The following DPP9 variants were observed in gnomAD, a reference collection of about 807,000 sequenced individuals.
DPP9 encodes dipeptidyl peptidase 9, also known as dipeptidyl peptidase IV-related protein-2.
In DPP9, 50 loss-of-function variants were observed where a neutral mutation model predicts 110.7. That is an observed-to-expected ratio of 0.45 (90% CI 0.36 to 0.57). The LOEUF (loss-of-function observed/expected upper bound fraction) is 0.57. Among genes scored for constraint, DPP9 ranks in the 20% least tolerant of loss-of-function variants. DPP9 has a pLI of 0.00. For synonymous variants in DPP9, 561 were observed against 514.4 expected, an observed-to-expected ratio of 1.09 and a Z score of -1.23; for missense variants, 1,022 against 1,217.9, an observed-to-expected ratio of 0.84 and a Z score of 2.39.
chr19:4,713,026 C>G (rs999551290), intron 4 of DPP9, among the ~76,000 whole-genome samples: 2 of 152,202 alleles, frequency 1.3e-5, no homozygotes, highest in Admixed American at 6.5e-5. Flanking sequence ...CGCCACCCCA[C>G]CCCCAAGGAA....
chr19:4,687,373 GACCCGCT>G lies in DPP9; in HGVS notation c.1885+1377_1885+1383del, dbSNP rs1205240841. 1.3e-5 allele frequency among the ~76,000 whole-genome samples: 2 copies of G among 152,216 alleles called. No individual in the cohort carries two copies. Among genetic ancestry groups the G allele is most frequent in the African/African-American group, 4.8e-5 (2 of 41,454 alleles). On this transcript the variant is annotated intron_variant, in intron 16 of 21. Coordinates refer to ENST00000262960, the MANE Select transcript of DPP9 (RefSeq NM_139159.5). The surrounding 1 kb of genome is among the most constrained non-coding windows in gnomAD (Gnocchi z 4.7). Reference sequence around the variant, plus strand: ...ATGCCTGGGAGCCCAGCAGTGTGCTGACCCGCTGGTTTTCATCCCACACTCTGTATAT... The same window carrying G: ...ATGCCTGGGAGCCCAGCAGTGTGCTGGGTTTTCATCCCACACTCTGTATAT...
Position 4,695,046 on chromosome 19 carries a change from G to A in DPP9, c.1354-223C>T. 1 of 605,362 alleles carries A rather than the reference G, an allele frequency of 1.7e-6. No homozygotes were observed. The highest frequency in any genetic ancestry group is 2.9e-6 in the Non-Finnish European group (1 of 345,492). The allele number at this position is 605,362 out of a possible 1,614,324, so 37.5% of individuals were successfully genotyped here. A position where few individuals can be genotyped will look rare whatever the true frequency, so the allele number is the denominator to read the frequency against. ...CAGGCTTGTGGTCCTAGCTACTCTG[G>A]AGGCTGAGGTGGGAGGATCACTTAG... is the stretch of plus-strand genomic sequence containing the variant. On this transcript the variant is annotated intron_variant, in intron 12 of 21. Coordinates refer to ENST00000262960, the MANE Select transcript of DPP9 (RefSeq NM_139159.5). The surrounding 1 kb of genome is among the most constrained non-coding windows in gnomAD (Gnocchi z 4.7).
chr19:4,717,036 G>C (rs1238122717), intron 3 of DPP9, among the ~76,000 whole-genome samples: 2 of 152,156 alleles, frequency 1.3e-5, no homozygotes, highest in East Asian at 3.9e-4. Flanking sequence ...TGGCTTCTGA[G>C]TATCACGGCT....
At position 4,682,765 on chromosome 19, in the gene DPP9, A is replaced by G. The variant is rs1036220461; in HGVS notation, c.2405T>C (p.Val802Ala). ...DTGYTERYMD[V>A]PENNQHGYEA... ...ATAGCCGTGCTGGTTGTTCTCAGGG[A>G]CGTCCATGTAGCGCTCAGTGTACCC... Residue 802 changes from valine (V) to alanine (A), a missense_variant, in exon 20 of 22, where the codon GTC becomes GCC. Coordinates refer to ENST00000262960, the MANE Select transcript of DPP9 (RefSeq NM_139159.5). This position sits in a 1 kb window ranked among gnomAD's most constrained non-coding sequence, Gnocchi z 7.1. 1 of 1,606,192 alleles carries G rather than the reference A, an allele frequency of 6.2e-7. No individual in the cohort carries two copies. The highest frequency in any genetic ancestry group is 8.5e-7 in the Non-Finnish European group (1 of 1,176,692).
intron 2 of DPP9, 50 bp downstream of exon 2, chr19:4,722,449 A>C (rs1599968904): frequency 1.4e-6 from 1 of 700,474 alleles, no homozygotes; most frequent in Non-Finnish European, 2.6e-6. Flanking sequence ...AAGGAATCCC[A>C]CCAGCCCACA....
chr19:4,720,044 C>G, intron 2 of DPP9, 103 bp from the exon 3 acceptor site: 1 of 1,010,760 alleles, frequency 9.9e-7, no homozygotes, highest in Non-Finnish European at 1.5e-6. Flanking sequence ...CAGGCAGCCC[C>G]CCAAGCCTCC....
At chr19:4,683,682 C>A (rs1464046071) in intron 18 of DPP9, 53 bp from the exon 19 acceptor site, 1 of 1,612,848 alleles carries the variant, frequency 6.2e-7, no homozygotes, top group Admixed American at 1.7e-5. Flanking sequence ...TATGTCCCTC[C>A]CCTGCAGTGA....
At position 4,700,132 on chromosome 19, in the gene DPP9, T is replaced by G; in HGVS notation, c.1074+84A>C. 1 of 1,145,790 alleles carries G rather than the reference T, an allele frequency of 8.7e-7. No individual in the cohort carries two copies. Among genetic ancestry groups the G allele is most frequent in the Admixed American group, 2.7e-5 (1 of 36,962 alleles). The allele number at this position is 1,145,790 out of a possible 1,614,324, so 71.0% of individuals were successfully genotyped here. On this transcript the variant is annotated intron_variant, in intron 10 of 21. Coordinates refer to ENST00000262960, the MANE Select transcript of DPP9 (RefSeq NM_139159.5). The surrounding 1 kb of genome is among the most constrained non-coding windows in gnomAD (Gnocchi z 4.3). Reference sequence around the variant, plus strand: ...GGAGTGCCCCCGAGAGGGAGGTGAGTGACCTGCCCATCCACCCAGCTGCCT... The same window carrying G: ...GGAGTGCCCCCGAGAGGGAGGTGAGGGACCTGCCCATCCACCCAGCTGCCT...
intron 4 of DPP9, among the ~76,000 whole-genome samples, chr19:4,712,171 G>GT (rs1481948541): frequency 3.3e-5 from 5 of 152,186 alleles, no homozygotes; most frequent in African/African-American, 7.2e-5. Flanking sequence ...ACTTGTAGTC[G>GT]TAACAGCCAA....
chr19:4,715,058 T>C (rs2093018720), intron 3 of DPP9, among the ~76,000 whole-genome samples: 1 of 116,892 alleles, frequency 8.6e-6, no homozygotes, highest in Admixed American at 1.1e-4. Flanking sequence ...AGACAGAGTC[T>C]CCAAAGGCTG....
intron 16 of DPP9, among the ~76,000 whole-genome samples, chr19:4,686,863 C>T (rs1341761439): frequency 2.0e-5 from 3 of 152,180 alleles, no homozygotes; most frequent in Non-Finnish European, 1.5e-5. Flanking sequence ...TGGCGGGACA[C>T]GCTCCGTGCT....
intron 8 of DPP9, 140 bp from the exon 9 acceptor site, chr19:4,702,295 C>T: frequency 8.2e-7 from 1 of 1,212,216 alleles, no homozygotes; most frequent in Non-Finnish European, 1.1e-6. Context: ...CTGCCATTCG[C>T]TAGACCTTAT....
In DPP9 at chr19:4,681,611, C is replaced by G. The variant is rs545862211; in HGVS notation, c.2474+1085G>C. Reference sequence around the variant, plus strand: ...AGACAGTTTCTCTCTGTTGCCCAGGCTAGAGTGCAGTGGCACGATGTTCGC... The same window carrying G: ...AGACAGTTTCTCTCTGTTGCCCAGGGTAGAGTGCAGTGGCACGATGTTCGC... On this transcript the variant is annotated intron_variant, in intron 20 of 21. Transcript: ENST00000262960. 2.4e-3 allele frequency among the ~76,000 whole-genome samples: 372 copies of G among 152,236 alleles called. 3 individuals are homozygous for G. The highest frequency in any genetic ancestry group is 4.4e-3 in the Non-Finnish European group (299 of 68,018).
intron 20 of DPP9, among the ~76,000 whole-genome samples, chr19:4,681,223 T>G (rs184184760): frequency 2.0e-5 from 3 of 152,140 alleles, no homozygotes; most frequent in Non-Finnish European, 4.4e-5. Context: ...GGGAACAGGG[T>G]TTGACGCTGG....
At chr19:4,720,590 A>G (rs926258713) in intron 2 of DPP9, among the ~76,000 whole-genome samples, 2 of 152,142 alleles carry the variant, frequency 1.3e-5, no homozygotes, top group Non-Finnish European at 2.9e-5. Context: ...CCCCTTCCCC[A>G]GGGAGAGTGG....
chr19:4,682,829 C>T lies in DPP9; in HGVS notation c.2341G>A (p.Ala781Thr), dbSNP rs750622800. ...ATCCAGACGGTGACCGGGGCACCCG[C>T]GATGGCCACCTGAGGGACACAGCAG... ...HKPQVFKVAI[A>T]GAPVTVWMAY... Residue 781 changes from alanine to threonine, a missense_variant, in exon 20 of 22, where the codon GCG becomes ACG. This residue lies in a region of DPP9 where 209 missense variants were observed against 280.4 expected (regional missense o/e 0.75). Coordinates refer to ENST00000262960, the MANE Select transcript of DPP9 (RefSeq NM_139159.5). This position sits in a 1 kb window ranked among gnomAD's most constrained non-coding sequence, Gnocchi z 7.1. 4.4e-6 allele frequency: 7 copies of T among 1,584,330 alleles called. No homozygotes were observed. Among genetic ancestry groups the T allele is most frequent in the African/African-American group, 1.3e-5 (1 of 74,376 alleles).
Position 4,698,611 on chromosome 19 carries a change from T to C in DPP9, c.1075-960A>G, listed in dbSNP as rs1319633311. Among the ~76,000 whole-genome samples the C allele has an allele frequency of 6.6e-6, 1 of 152,032 alleles. No individual in the cohort carries two copies. The highest frequency in any genetic ancestry group is 1.9e-4 in the East Asian group (1 of 5,158). ...TACAAAACCCACAATTAGTTAGGTG[T>C]GGTGGTGCATGCCTGTAGTCCCAGC... On this transcript the variant is annotated intron_variant, in intron 10 of 21. Transcript: ENST00000262960. This position sits in a 1 kb window ranked among gnomAD's most constrained non-coding sequence, Gnocchi z 4.2.
At chr19:4,691,496 A>G (rs1308643260) in intron 13 of DPP9, among the ~76,000 whole-genome samples, 10 of 151,332 alleles carry the variant, frequency 6.6e-5, no homozygotes, top group Admixed American at 6.6e-4. Context: ...CAAAAAACAA[A>G]AAACAGGAAG....
At position 4,682,205 on chromosome 19, in the gene DPP9, T is replaced by C. The variant is rs2090001668; in HGVS notation, c.2474+491A>G. Among the ~76,000 whole-genome samples, 1 of 152,136 alleles carries C rather than the reference T, an allele frequency of 6.6e-6. No homozygotes were observed. The highest frequency in any genetic ancestry group is 1.5e-5 in the Non-Finnish European group (1 of 68,018). ...ACTGCATGGGATTCCGGGGAACATT[T>C]TCTGGAGACGTGCCAGAAAATGGGA... is the stretch of plus-strand genomic sequence containing the variant. On this transcript the variant is annotated intron_variant, in intron 20 of 21. Coordinates refer to ENST00000262960, the MANE Select transcript of DPP9 (RefSeq NM_139159.5). The surrounding 1 kb of genome is among the most constrained non-coding windows in gnomAD (Gnocchi z 7.1).
Sources: gnomAD v4.1 joint callset for allele counts (sites outside exome capture counted in the v4.1 genomes callset) on GRCh38, gnomAD v4.1.1 for gene constraint, gnomAD v4.1.1 regional missense constraint, Gnocchi (gnomAD v3.1) non-coding constraint, MANE v1.5 for transcripts, NCBI Gene and HGNC (gene_info 2026-07-23, HGNC 2026-07-21) for gene names.